SPECC1L: variants seen among roughly 807,000 people sequenced by gnomAD.
SPECC1L encodes cytospin-A.
SPECC1L carries 40 observed loss-of-function variants against 116.8 expected under a neutral mutation model. That is an observed-to-expected ratio of 0.34 (90% CI 0.27 to 0.45). The LOEUF is 0.45. Ranked by LOEUF, SPECC1L falls within the 20% of genes least tolerant of loss-of-function variation. The pLI, the probability that SPECC1L is intolerant of heterozygous loss-of-function variation, is 1.00. For synonymous variants in SPECC1L, 504 were observed against 500.6 expected (o/e 1.01, Z -0.09); for missense variants, 1,110 against 1,373.6 (o/e 0.81, Z 3.03).
At chr22:24,276,541 G>A (rs2048841414) in intron 1 of SPECC1L, among the ~76,000 whole-genome samples, 159 bp from the exon 2 acceptor site, 1 of 152,240 alleles carries the variant, frequency 6.6e-6, no homozygotes, top group Non-Finnish European at 1.5e-5. Context: ...GCTGAAGTGG[G>A]AGAATCTCTT....
chr22:24,356,246 T>C (rs2041531262), intron 11 of SPECC1L, among the ~76,000 whole-genome samples: 1 of 152,236 alleles, frequency 6.6e-6, no homozygotes, highest in African/African-American at 2.4e-5. Context: ...TGCTCGTTTC[T>C]AGGAATTACT....
chr22:24,271,431 G>A (rs2048724817), intron 1 of SPECC1L, among the ~76,000 whole-genome samples: 1 of 152,264 alleles, frequency 6.6e-6, no homozygotes, highest in South Asian at 2.1e-4. Flanking sequence ...CGGAGGAGCA[G>A]GGGCCACAGG....
intron 14 of SPECC1L, among the ~76,000 whole-genome samples, chr22:24,395,433 G>T (rs952438605): frequency 1.3e-5 from 2 of 152,122 alleles, no homozygotes; most frequent in Admixed American, 1.3e-4. Flanking sequence ...CATACAAGAT[G>T]CCCCATAATA....
intron 14 of SPECC1L, among the ~76,000 whole-genome samples, chr22:24,406,906 T>C (rs1207789): frequency 1.2e-4 from 19 of 152,194 alleles, no homozygotes; most frequent in Non-Finnish European, 2.2e-4. Context: ...TTTCAAACCA[T>C]GCAACAGCCA....
chr22:24,371,400 C>T (rs965917276), intron 14 of SPECC1L, among the ~76,000 whole-genome samples: 1 of 152,092 alleles, frequency 6.6e-6, no homozygotes, highest in Admixed American at 6.6e-5. Flanking sequence ...ATCACTTGAG[C>T]CCAGTAGTTT....
intron 4 of SPECC1L, among the ~76,000 whole-genome samples, chr22:24,314,413 C>A (rs1017425614): frequency 5.3e-5 from 8 of 152,222 alleles, no homozygotes; most frequent in African/African-American, 1.9e-4. Context: ...AACTGATAAT[C>A]ATTCCTTAAA....
At chr22:24,331,169 A>G (rs1429701913) in intron 8 of SPECC1L, among the ~76,000 whole-genome samples, 1 of 152,218 alleles carries the variant, frequency 6.6e-6, no homozygotes, top group African/African-American at 2.4e-5. Flanking sequence ...GACTCCATCT[A>G]AGAGTAGGGG....
At chr22:24,345,985 C>G (rs2041283929) in intron 10 of SPECC1L, among the ~76,000 whole-genome samples, 1 of 150,960 alleles carries the variant, frequency 6.6e-6, no homozygotes, top group South Asian at 2.1e-4. Context: ...TTTAAGTGTT[C>G]ATGGTGGATT....
Position 24,321,862 on chromosome 22 carries a change from G to C in SPECC1L, c.882G>C (p.Leu294=). The C allele has an allele frequency of 6.2e-7, 1 of 1,614,254 alleles. No homozygotes were observed. The highest frequency in any genetic ancestry group is 8.5e-7 in the Non-Finnish European group (1 of 1,180,054). ...NSEKLFGYQS[L]SPEITPGNQS... is the part of the protein sequence containing the mutation. ...AAAAACTGTTTGGCTATCAGTCCCT[G>C]AGCCCAGAAATCACCCCTGGTAACC... is the stretch of plus-strand genomic sequence containing the variant. The change falls in exon 5 of 17, where the codon CTG becomes CTC. Residue 294 remains leucine, a synonymous_variant. Coordinates refer to ENST00000314328, the MANE Select transcript of SPECC1L (RefSeq NM_015330.6).
chr22:24,368,153 G>A (rs2041807762), intron 13 of SPECC1L, among the ~76,000 whole-genome samples: 1 of 152,152 alleles, frequency 6.6e-6, no homozygotes, highest in African/African-American at 2.4e-5. Context: ...ATGCCATAAA[G>A]TACCCTACAT....
chr22:24,390,856 T>TTTTTTTTTTTTG (rs1395650761), intron 14 of SPECC1L, among the ~76,000 whole-genome samples: 5 of 98,204 alleles, frequency 5.1e-5, no homozygotes, highest in Non-Finnish European at 8.0e-5. Context: ...GTGTTCCTTT[T>TTTTTTTTTTTTG]TTTTTTTTTT....
At chr22:24,304,651 C>G (rs1465330710) in intron 3 of SPECC1L, among the ~76,000 whole-genome samples, 1 of 152,176 alleles carries the variant, frequency 6.6e-6, no homozygotes, top group African/African-American at 2.4e-5. Context: ...AAGTAATATA[C>G]TTTTCCATTA....
At chr22:24,379,978 C>T (rs1158213850) in intron 14 of SPECC1L, among the ~76,000 whole-genome samples, 1 of 152,214 alleles carries the variant, frequency 6.6e-6, no homozygotes, top group African/African-American at 2.4e-5. Flanking sequence ...CCATCTCCTT[C>T]TCCTGCCTCA....
intron 8 of SPECC1L, among the ~76,000 whole-genome samples, chr22:24,332,979 A>C (rs765874745): frequency 3.3e-5 from 5 of 152,192 alleles, no homozygotes; most frequent in Non-Finnish European, 7.3e-5. Context: ...CTGTGGTCCC[A>C]GCACTTTGGG....
At position 24,414,915 on chromosome 22, in the gene SPECC1L, A is replaced by C; in HGVS notation, c.*292A>C. Reference sequence around the variant, plus strand: ...CCTTCTGAAGAGAATATTGAACTACACTAGTGCTCCAGGGCACCAAACAAA... The same window carrying C: ...CCTTCTGAAGAGAATATTGAACTACCCTAGTGCTCCAGGGCACCAAACAAA... On this transcript the variant is annotated 3_prime_UTR_variant, in exon 17 of 17. Transcript: ENST00000314328. The C allele has an allele frequency of 2.2e-6, 1 of 446,304 alleles. No homozygotes were observed. Among genetic ancestry groups the C allele is most frequent in the South Asian group, 2.2e-5 (1 of 44,694 alleles). The allele number at this position is 446,304 out of a possible 1,614,324, so 27.6% of individuals were successfully genotyped here. A position where few individuals can be genotyped will look rare whatever the true frequency, so the allele number is the denominator to read the frequency against.
intron 1 of SPECC1L, among the ~76,000 whole-genome samples, chr22:24,275,856 G>A (rs915436995): frequency 3.3e-5 from 5 of 151,982 alleles, no homozygotes; most frequent in Non-Finnish European, 7.4e-5. Flanking sequence ...CTGCAGGCCC[G>A]CACCAGCACA....
In SPECC1L at chr22:24,343,662, T is replaced by C. The variant is rs113270860; in HGVS notation, c.2653-3424T>C. 2.2e-3 allele frequency: 523 copies of C among 239,408 alleles called. 2 individuals are homozygous for C. The highest frequency in any genetic ancestry group is 2.9e-3 in the Non-Finnish European group (332 of 116,032). The allele number at this position is 239,408 out of a possible 1,614,324, so 14.8% of individuals were successfully genotyped here. On this transcript the variant is annotated intron_variant, in intron 10 of 16. Coordinates refer to ENST00000314328, the MANE Select transcript of SPECC1L (RefSeq NM_015330.6). The stretch of plus-strand genomic sequence containing the variant: ...TTTTAGTAGAGATGGGGTTTCTCCA[T>C]GTTGCCCAGGCTTGTCTCAAATTCC...
At chr22:24,404,394 G>T (rs183847284) in intron 14 of SPECC1L, among the ~76,000 whole-genome samples, 13 of 152,066 alleles carry the variant, frequency 8.5e-5, no homozygotes, top group Non-Finnish European at 1.6e-4. Context: ...TGAACTTAAG[G>T]TGACAAAAAC....
At chr22:24,408,031 G>A (rs1419202550) in intron 14 of SPECC1L, among the ~76,000 whole-genome samples, 1 of 152,086 alleles carries the variant, frequency 6.6e-6, no homozygotes, top group Non-Finnish European at 1.5e-5. Flanking sequence ...TTGGCCTCTC[G>A]GAGCCTCACC....
Sources: gnomAD v4.1 joint callset for allele counts (sites outside exome capture counted in the v4.1 genomes callset) on GRCh38, gnomAD v4.1.1 for gene constraint, MANE v1.5 for transcripts, NCBI Gene and HGNC (gene_info 2026-07-23, HGNC 2026-07-21) for gene names.